HSDL2: variants seen among roughly 807,000 people sequenced by gnomAD.
The protein encoded by HSDL2 is hydroxysteroid dehydrogenase like 2.
A neutral mutation model predicts 46.3 loss-of-function variants in HSDL2; 27 were observed. That is an observed-to-expected ratio of 0.58 (90% CI 0.43 to 0.80). The LOEUF is 0.80. HSDL2 is among the 30% of genes least tolerant of loss of function. The pLI, the probability that HSDL2 is intolerant of heterozygous loss-of-function variation, is 0.00. For missense variants in HSDL2, 451 were observed against 502.7 expected, an observed-to-expected ratio of 0.90 and a Z score of 0.98; for synonymous variants, 153 against 163.6, an observed-to-expected ratio of 0.94 and a Z score of 0.50.
chr9:112,459,478 C>G lies in HSDL2; in HGVS notation c.1045C>G (p.Leu349Val). 1 of 1,613,918 alleles carries G rather than the reference C, an allele frequency of 6.2e-7. No individual in the cohort carries two copies. Among genetic ancestry groups the G allele is most frequent in the Non-Finnish European group, 8.5e-7 (1 of 1,179,870 alleles). Reference sequence around the variant, plus strand: ...AGATGGTGGCACGTGGTTTCTTGATCTGAAAAGCAAGGGTGGGAATGTCGG... The same window carrying G: ...AGATGGTGGCACGTGGTTTCTTGATGTGAAAAGCAAGGGTGGGAATGTCGG... Reference protein sequence around the residue: ...GEDGGTWFLDLKSKGGNVGYG... With the variant: ...GEDGGTWFLDVKSKGGNVGYG... The change falls in exon 10 of 11, where the codon CTG becomes GTG. Residue 349 changes from leucine (L) to valine (V), a missense_variant. Transcript: ENST00000398805.
At chr9:112,395,683 G>A (rs1831438987) in intron 1 of HSDL2, among the ~76,000 whole-genome samples, 1 of 152,252 alleles carries the variant, frequency 6.6e-6, no homozygotes, top group Admixed American at 6.5e-5. Context: ...AGGTATTAAA[G>A]GAGGGGCAGG....
At chr9:112,388,871 G>T (rs910247453) in intron 1 of HSDL2, among the ~76,000 whole-genome samples, 1 of 151,502 alleles carries the variant, frequency 6.6e-6, no homozygotes, top group African/African-American at 2.4e-5. Context: ...GATTAACGGA[G>T]ACTAAAGAGA....
At chr9:112,463,968 G>C (rs1833297509) in intron 10 of HSDL2, among the ~76,000 whole-genome samples, 1 of 151,904 alleles carries the variant, frequency 6.6e-6, no homozygotes, top group Non-Finnish European at 1.5e-5. Flanking sequence ...GCCTCGTGTG[G>C]TTTTAATTTG....
chr9:112,452,361 G>A lies in HSDL2; in HGVS notation c.866-1652G>A, dbSNP rs181195740. On this transcript the variant is annotated intron_variant, in intron 8 of 10. Coordinates refer to ENST00000398805, the MANE Select transcript of HSDL2 (RefSeq NM_032303.5). ...TCACCTTCAGCCTAGAGCACAGATT[G>A]GCCTTGGAGTTAATTTAATTAACGA... 3.2e-3 allele frequency among the ~76,000 whole-genome samples: 485 copies of A among 152,274 alleles called. 2 individuals carry two copies. Among genetic ancestry groups the A allele is most frequent in the Non-Finnish European group, 4.9e-3 (330 of 68,012 alleles).
intron 1 of HSDL2, among the ~76,000 whole-genome samples, chr9:112,394,782 G>A (rs969296158): frequency 2.4e-4 from 36 of 152,160 alleles, no homozygotes; most frequent in African/African-American, 8.7e-4. Flanking sequence ...GCACAGAGGA[G>A]GGTATTTATA....
chr9:112,385,653 A>ATT lies in HSDL2; in HGVS notation c.17+5485_17+5486dup, dbSNP rs562750955. Among the ~76,000 whole-genome samples, 225 of 144,338 alleles carry ATT rather than the reference A, an allele frequency of 1.6e-3. 1 individual carries two copies. The highest frequency in any genetic ancestry group is 5.3e-3 in the African/African-American group (210 of 39,564). The allele number at this position is 144,338 out of a possible 152,430, so 94.7% of individuals were successfully genotyped here. On this transcript the variant is annotated intron_variant, in intron 1 of 10. Transcript: ENST00000398805. Reference sequence around the variant, plus strand: ...AGGCACCTGCCACCACGCCTGGCCGATTTTTTTTTTTTTGTATTTTTAGTA... The same window carrying ATT: ...AGGCACCTGCCACCACGCCTGGCCGATTTTTTTTTTTTTTTGTATTTTTAGTA...
At chr9:112,443,111 G>A (rs1832676446) in intron 8 of HSDL2, among the ~76,000 whole-genome samples, 1 of 152,172 alleles carries the variant, frequency 6.6e-6, no homozygotes, top group Non-Finnish European at 1.5e-5. Flanking sequence ...AACTCTAGAA[G>A]AGTCTGGTCT....
intron 6 of HSDL2, among the ~76,000 whole-genome samples, chr9:112,422,839 C>G (rs1832155127): frequency 6.6e-6 from 1 of 152,150 alleles, no homozygotes; most frequent in Admixed American, 6.5e-5. Context: ...AAAAATCTTC[C>G]AAGCCTTCAG....
chr9:112,430,861 T>A (rs1832372481), intron 6 of HSDL2, among the ~76,000 whole-genome samples: 1 of 151,996 alleles, frequency 6.6e-6, no homozygotes, highest in Non-Finnish European at 1.5e-5. Flanking sequence ...GAGACCAGCC[T>A]GGCCAACATG....
At chr9:112,420,771 G>C (rs1226168786) in intron 6 of HSDL2, among the ~76,000 whole-genome samples, 2 of 151,798 alleles carry the variant, frequency 1.3e-5, no homozygotes, top group African/African-American at 4.8e-5. Context: ...CATTTGTCCC[G>C]AGAATACTCG....
intron 7 of HSDL2, among the ~76,000 whole-genome samples, chr9:112,439,912 A>G (rs531376926): frequency 6.6e-6 from 1 of 152,388 alleles, no homozygotes; most frequent in Admixed American, 6.5e-5. Flanking sequence ...ACTTAAGAGA[A>G]TGATACATTT....
In HSDL2 at chr9:112,403,134, G is replaced by A. The variant is rs76761902; in HGVS notation, c.18-861G>A. Among the ~76,000 whole-genome samples the A allele has an allele frequency of 3.7e-3, 561 of 152,252 alleles. 25 individuals are homozygous for A. In the East Asian group the frequency reaches 0.095, roughly 26 times the overall value. On this transcript the variant is annotated intron_variant, in intron 1 of 10. Coordinates refer to ENST00000398805, the MANE Select transcript of HSDL2 (RefSeq NM_032303.5). ...CCCACTATGCAGTCATTTAAAATAC[G>A]CAATTCATTGGCTTTTAATATATTC...
In HSDL2 at chr9:112,426,234, CTT is replaced by C. The variant is rs71382430; in HGVS notation, c.598+7294_598+7295del. Among the ~76,000 whole-genome samples, 166 of 95,742 alleles carry C rather than the reference CTT, an allele frequency of 1.7e-3. 1 individual carries two copies. The East Asian group carries it at 0.028, about 16-fold the overall frequency. 62.8% of individuals were successfully genotyped at this position (95,742 alleles called of 152,430 possible). A position where few individuals can be genotyped will look rare whatever the true frequency, so the allele number is the denominator to read the frequency against. On this transcript the variant is annotated intron_variant, in intron 6 of 10. Transcript: ENST00000398805. ...CAATCCCCACTTTCTGGTAAGCCTT[CTT>C]TTTTTTTTTTTTTTTTTGAGATGGA...
chr9:112,467,911 T>C (rs1408832753), intron 10 of HSDL2, among the ~76,000 whole-genome samples: 1 of 152,210 alleles, frequency 6.6e-6, no homozygotes, highest in Non-Finnish European at 1.5e-5. Context: ...TCCTGTTTCC[T>C]GGATCCCATG....
intron 6 of HSDL2, among the ~76,000 whole-genome samples, chr9:112,431,049 C>G (rs1832378396): frequency 3.3e-5 from 1 of 30,044 alleles, no homozygotes; most frequent in Non-Finnish European, 5.6e-5. Context: ...GAGATTCCAA[C>G]TCAAAAAAAA....
At chr9:112,400,453 A>G (rs1831563670) in intron 1 of HSDL2, among the ~76,000 whole-genome samples, 1 of 152,190 alleles carries the variant, frequency 6.6e-6, no homozygotes, top group Non-Finnish European at 1.5e-5. Flanking sequence ...CTAAAAATAC[A>G]AAAATTGGCT....
intron 9 of HSDL2, among the ~76,000 whole-genome samples, chr9:112,457,727 G>A (rs916793947): frequency 4.6e-5 from 7 of 152,146 alleles, no homozygotes; most frequent in African/African-American, 1.7e-4. Context: ...CCAAGAACTA[G>A]CAGATCATTC....
At chr9:112,381,011 C>T (rs934871997) in intron 1 of HSDL2, among the ~76,000 whole-genome samples, 2 of 151,936 alleles carry the variant, frequency 1.3e-5, no homozygotes, top group African/African-American at 4.8e-5. Flanking sequence ...TGAGTCTCCC[C>T]ATCCCTAAAA....
chr9:112,381,220 TC>T (rs1369872989), intron 1 of HSDL2, among the ~76,000 whole-genome samples: 3 of 152,132 alleles, frequency 2.0e-5, no homozygotes, highest in African/African-American at 4.8e-5. Context: ...AGACGGGGTC[TC>T]CCATGTTGCC....
Sources: gnomAD v4.1 joint callset for allele counts (sites outside exome capture counted in the v4.1 genomes callset) on GRCh38, gnomAD v4.1.1 for gene constraint, MANE v1.5 for transcripts, NCBI Gene and HGNC (gene_info 2026-07-23, HGNC 2026-07-21) for gene names.